NWD1: variants seen among roughly 807,000 people sequenced by gnomAD.
NWD1 encodes the protein NACHT domain- and WD repeat-containing protein 1.
In NWD1, 129 loss-of-function variants were observed where a neutral mutation model predicts 135.1. The observed-to-expected ratio is 0.96, with a 90% confidence interval of 0.83 to 1.11. The LOEUF is 1.11. Ranked by LOEUF, NWD1 falls within the 50% of genes least tolerant of loss-of-function variation. NWD1 has a pLI of 0.00. For missense variants in NWD1, 1,740 were observed against 1,851.3 expected (o/e 0.94, Z 1.10); for synonymous variants, 773 against 786.0 (o/e 0.98, Z 0.28).
chr19:16,788,364 T>C (rs550239426), intron 12 of NWD1, among the ~76,000 whole-genome samples: 59 of 145,184 alleles, frequency 4.1e-4, no homozygotes, highest in Non-Finnish European at 8.0e-4. Flanking sequence ...AGGCCAGGAG[T>C]TCAAGGCCAG....
At chr19:16,728,871 G>T (rs1201037600) in intron 2 of NWD1, among the ~76,000 whole-genome samples, 1 of 150,572 alleles carries the variant, frequency 6.6e-6, no homozygotes, top group Non-Finnish European at 1.5e-5. Flanking sequence ...GTGAACCCAG[G>T]AGGCGGAGCT....
chr19:16,785,481 A>G (rs1189959512), intron 12 of NWD1, among the ~76,000 whole-genome samples: 5 of 151,900 alleles, frequency 3.3e-5, no homozygotes, highest in Admixed American at 6.6e-5. Context: ...ACTGCACTCC[A>G]GCCTGGGAGA....
intron 14 of NWD1, among the ~76,000 whole-genome samples, chr19:16,792,404 C>T (rs188023687): frequency 4.1e-4 from 62 of 151,736 alleles, no homozygotes; most frequent in African/African-American, 1.3e-3. Context: ...TGACCAGGCA[C>T]GGTGGCTCAC....
At position 16,794,494 on chromosome 19, in the gene NWD1, A is replaced by C. The variant is rs2123068476; in HGVS notation, c.3245A>C (p.Lys1082Thr). The C allele has an allele frequency of 1.9e-6, 3 of 1,612,140 alleles. No individual in the cohort carries two copies. In the Middle Eastern group the frequency reaches 5.0e-4, roughly 267 times the overall value. ...VSSKGDRLLE[K>T]LPDAVRFLVV... ...TCCAAAGGGGACAGATTGCTGGAGA[A>C]GCTTCCAGATGCTGTGAGGTTCCTG... Residue 1082 changes from lysine to threonine, a missense_variant, in exon 15 of 19, where the codon AAG becomes ACG. Lys to Thr is a moderately conservative substitution (Grantham distance 78). Transcript: ENST00000524140.
chr19:16,742,409 C>A (rs1968122676), intron 4 of NWD1, among the ~76,000 whole-genome samples: 1 of 151,730 alleles, frequency 6.6e-6, no homozygotes, highest in South Asian at 2.1e-4. Context: ...AAATAAATAT[C>A]TGTGGGCTGA....
intron 15 of NWD1, among the ~76,000 whole-genome samples, chr19:16,795,447 C>T (rs1055515065): frequency 2.7e-5 from 4 of 146,976 alleles, no homozygotes; most frequent in Admixed American, 6.8e-5. Context: ...GACCGAGTCT[C>T]GCTCTATTGC....
chr19:16,797,558 G>A (rs565475262), intron 15 of NWD1, among the ~76,000 whole-genome samples, 174 bp from the exon 16 acceptor site: 5 of 152,062 alleles, frequency 3.3e-5, no homozygotes, highest in Admixed American at 6.6e-5. Context: ...ATGTTGGCCA[G>A]GCTGATCTCG....
Position 16,755,189 on chromosome 19 carries a change from C to T in NWD1, c.1770-4036C>T, listed in dbSNP as rs946362890. 5.3e-5 allele frequency among the ~76,000 whole-genome samples: 8 copies of T among 151,978 alleles called. No individual in the cohort carries two copies. The South Asian group carries it at 6.2e-4, about 12-fold the overall frequency. On this transcript the variant is annotated intron_variant, in intron 6 of 18. Coordinates refer to ENST00000524140, the MANE Select transcript of NWD1 (RefSeq NM_001007525.5). ...CTATCTCTCTATTTCTCATCTATAT[C>T]GATCCTGTCTATCATTAATATCTCT...
At position 16,738,011 on chromosome 19, in the gene NWD1, A is replaced by C. The variant is rs1229258348; in HGVS notation, c.198+1261A>C. The stretch of plus-strand genomic sequence containing the variant: ...AAAAGAAAAGAAAAGAAAAGAAAAG[A>C]AATTCTAGAGCAGAGGCCAACAAGC... On this transcript the variant is annotated intron_variant, in intron 4 of 18. Coordinates refer to ENST00000524140, the MANE Select transcript of NWD1 (RefSeq NM_001007525.5). 2.0e-5 allele frequency among the ~76,000 whole-genome samples: 3 copies of C among 151,814 alleles called. 1 individual carries two copies. The highest frequency in any genetic ancestry group is 7.3e-5 in the African/African-American group (3 of 41,286).
intron 12 of NWD1, 34 bp downstream of exon 12, chr19:16,779,499 T>A (rs765386877): frequency 6.2e-7 from 1 of 1,604,950 alleles, no homozygotes; most frequent in Non-Finnish European, 8.5e-7. Context: ...GTGGTCAGCT[T>A]CCATAGTGAA....
rs1056406815 is a variant in NWD1, at chr19:16,795,682, G to T, written c.3304+1129G>T. ...TCTGCCTGCGTCTGCCTCCCAAAGT[G>T]CTGGAATTACAAATATGAGCCACCA... On this transcript the variant is annotated intron_variant, in intron 15 of 18. Transcript: ENST00000524140. 6.6e-5 allele frequency among the ~76,000 whole-genome samples: 10 copies of T among 152,018 alleles called. 1 individual carries two copies. The highest frequency in any genetic ancestry group is 1.5e-5 in the Non-Finnish European group (1 of 68,008).
chr19:16,806,735 C>G (rs1443669035), intron 17 of NWD1, among the ~76,000 whole-genome samples: 1 of 151,806 alleles, frequency 6.6e-6, no homozygotes, highest in African/African-American at 2.4e-5. Flanking sequence ...CATAAATAGG[C>G]TGGGCGCGAT....
rs564429992 is a variant in NWD1, at chr19:16,785,023, G to C, written c.2732-3959G>C. Among the ~76,000 whole-genome samples, 380 of 152,120 alleles carry C rather than the reference G, an allele frequency of 2.5e-3. 2 individuals are homozygous for C. The highest frequency in any genetic ancestry group is 4.0e-3 in the Non-Finnish European group (269 of 67,982). ...CCATGGATATGAAATGTCCAGAACA[G>C]ACTAATCCACAGAGACAGGAGAGAC... On this transcript the variant is annotated intron_variant, in intron 12 of 18. Coordinates refer to ENST00000524140, the MANE Select transcript of NWD1 (RefSeq NM_001007525.5).
chr19:16,784,668 C>T (rs574655907), intron 12 of NWD1, among the ~76,000 whole-genome samples: 24 of 152,124 alleles, frequency 1.6e-4, no homozygotes, highest in South Asian at 4.1e-4. Context: ...CGGTGGCTCA[C>T]GCCTGTAATC....
chr19:16,783,641 T>TA (rs61129678), intron 12 of NWD1, among the ~76,000 whole-genome samples: 25,537 of 142,930 alleles, frequency 0.18, 4,942 homozygotes, highest in African/African-American at 0.49. Flanking sequence ...TCTCAAAAAA[T>TA]AAAAATAATA....
intron 1 of NWD1, among the ~76,000 whole-genome samples, chr19:16,723,087 T>C (rs1237204106): frequency 6.6e-6 from 1 of 152,004 alleles, no homozygotes; most frequent in Non-Finnish European, 1.5e-5. Context: ...AGAGTCTCTC[T>C]CTGTTGCCCA....
intron 2 of NWD1, among the ~76,000 whole-genome samples, chr19:16,725,916 G>A (rs958414605): frequency 3.3e-5 from 5 of 151,882 alleles, no homozygotes; most frequent in Middle Eastern, 3.2e-3. Context: ...TGGGACAACA[G>A]GCAGGCACCA....
intron 3 of NWD1, among the ~76,000 whole-genome samples, chr19:16,735,246 G>A (rs1967744493): frequency 1.3e-5 from 2 of 152,230 alleles, no homozygotes; most frequent in South Asian, 4.1e-4. Flanking sequence ...GCTCGTGCCT[G>A]TAATCCTAAC....
At chr19:16,806,665 C>T (rs1051681453) in intron 17 of NWD1, among the ~76,000 whole-genome samples, 2 of 151,536 alleles carry the variant, frequency 1.3e-5, no homozygotes, top group South Asian at 2.1e-4. Context: ...GAGCCATGTT[C>T]GTGCCACTGC....
Sources: gnomAD v4.1 joint callset for allele counts (sites outside exome capture counted in the v4.1 genomes callset) on GRCh38, gnomAD v4.1.1 for gene constraint, MANE v1.5 for transcripts, NCBI Gene and HGNC (gene_info 2026-07-23, HGNC 2026-07-21) for gene names.